Variants in UHRF1 observed in about 807,000 individuals in gnomAD.
UHRF1 encodes E3 ubiquitin-protein ligase UHRF1.
A neutral mutation model predicts 96.5 loss-of-function variants in UHRF1; 9 were observed. That is an observed-to-expected ratio of 0.09 (90% CI 0.06 to 0.16). UHRF1 has a LOEUF of 0.16. Among genes scored for constraint, UHRF1 ranks in the 10% least tolerant of loss-of-function variants. The pLI is 1.00. For missense variants in UHRF1, 626 were observed against 1,131.1 expected (o/e 0.55, Z 6.40); for synonymous variants, 455 against 469.9 (o/e 0.97, Z 0.41).
intron 13 of UHRF1, 129 bp downstream of exon 13, chr19:4,951,125 G>C (rs988142222): frequency 1.6e-6 from 2 of 1,285,702 alleles, no homozygotes; most frequent in East Asian, 5.2e-5. Context: ...AATTAGCTGG[G>C]TATGGTGGCG....
intron 5 of UHRF1, among the ~76,000 whole-genome samples, chr19:4,939,218 A>ATTT (rs35132707): frequency 1.1e-3 from 129 of 120,808 alleles, no homozygotes; most frequent in Non-Finnish European, 1.9e-3. Flanking sequence ...GCACCCGGCC[A>ATTT]TTTTTTTTTT....
intron 5 of UHRF1, among the ~76,000 whole-genome samples, chr19:4,933,376 T>TG (rs1370323127): frequency 6.6e-6 from 1 of 152,102 alleles, no homozygotes; most frequent in East Asian, 1.9e-4. Context: ...CCACCACACC[T>TG]GGCTAATTTT....
intron 11 of UHRF1, among the ~76,000 whole-genome samples, chr19:4,948,537 G>A (rs766241393): frequency 2.0e-5 from 3 of 152,130 alleles, no homozygotes; most frequent in African/African-American, 4.8e-5. Flanking sequence ...GGTGGCTCAC[G>A]CCTGTAATCC....
At chr19:4,948,331 A>G (rs769773273) in intron 11 of UHRF1, among the ~76,000 whole-genome samples, 1 of 152,186 alleles carries the variant, frequency 6.6e-6, no homozygotes, top group South Asian at 2.1e-4. Flanking sequence ...CTTTTCCAGC[A>G]TAAAAACCAT....
intron 15 of UHRF1, among the ~76,000 whole-genome samples, chr19:4,955,401 T>C (rs1016903209): frequency 1.3e-5 from 2 of 151,784 alleles, no homozygotes; most frequent in Admixed American, 6.6e-5. Flanking sequence ...TGAGTCTCAC[T>C]CTCCCGCCCT....
At chr19:4,917,660 A>AG (rs2032568203) in intron 2 of UHRF1, among the ~76,000 whole-genome samples, 1 of 145,406 alleles carries the variant, frequency 6.9e-6, no homozygotes, top group Non-Finnish European at 1.5e-5. Context: ...CTCAAAAAAA[A>AG]AAAAAAAAAA....
rs1309530729 is a variant in UHRF1, at chr19:4,960,623, A to G, written c.2236-34A>G. On this transcript the variant is annotated intron_variant, in intron 16 of 16. Coordinates refer to ENST00000650932, the MANE Select transcript of UHRF1 (RefSeq NM_001048201.3). ...GCCAGGAGCAAACCTGATGGTGTGGATGGCACTTCTCACGCGCCTGCTGTG... is the reference window on the plus strand; with the variant it reads ...GCCAGGAGCAAACCTGATGGTGTGGGTGGCACTTCTCACGCGCCTGCTGTG... 3 of 1,607,310 alleles carry G rather than the reference A, an allele frequency of 1.9e-6. No individual in the cohort carries two copies. In the South Asian group the frequency reaches 3.3e-5, roughly 18 times the overall value.
At chr19:4,947,395 G>C (rs990460204) in intron 11 of UHRF1, among the ~76,000 whole-genome samples, 184 bp downstream of exon 11, 3 of 151,302 alleles carry the variant, frequency 2.0e-5, no homozygotes, top group African/African-American at 7.3e-5. Context: ...GAGCCACTGC[G>C]CCTGGTCTGG....
rs765109553 is a variant in UHRF1 at position 4,910,988 on chromosome 19, C to T, written c.103C>T (p.Leu35=). The change falls in exon 2 of 17, where the codon CTG becomes TTG. Residue 35 remains leucine (L), a synonymous_variant. Transcript: ENST00000650932. The part of the protein sequence containing the change: ...VEELRRKIQE[L]FHVEPGLQRL... ...GGAGCTGAGGCGGAAGATCCAGGAG[C>T]TGTTCCACGTGGAGCCAGGCCTGCA... The T allele has an allele frequency of 1.2e-6, 2 of 1,612,378 alleles. No homozygotes were observed. Among genetic ancestry groups the T allele is most frequent in the South Asian group, 2.2e-5 (2 of 90,882 alleles).
intron 2 of UHRF1, among the ~76,000 whole-genome samples, chr19:4,919,182 G>A (rs1443764990): frequency 6.6e-6 from 1 of 151,614 alleles, no homozygotes; most frequent in Non-Finnish European, 1.5e-5. Context: ...ATTTTATAGT[G>A]ATGGGTTTTG....
At chr19:4,913,239 C>T (rs1428547130) in intron 2 of UHRF1, among the ~76,000 whole-genome samples, 1 of 144,236 alleles carries the variant, frequency 6.9e-6, no homozygotes, top group Non-Finnish European at 1.5e-5. Context: ...GTTAATTAGA[C>T]ATGTACATTG....
intron 5 of UHRF1, among the ~76,000 whole-genome samples, chr19:4,938,810 C>G (rs1255978783): frequency 1.5e-5 from 2 of 136,068 alleles, no homozygotes; most frequent in Non-Finnish European, 3.1e-5. Context: ...ATGGCAAGCT[C>G]TCAGTTCACT....
At chr19:4,931,468 TTTTTA>T (rs1379259527) in intron 4 of UHRF1, among the ~76,000 whole-genome samples, 2 of 151,694 alleles carry the variant, frequency 1.3e-5, no homozygotes, top group African/African-American at 4.8e-5. Flanking sequence ...TTTTATTTTA[TTTTTA>T]TTTTATTTTT....
At chr19:4,960,582 A>C in intron 16 of UHRF1, 75 bp from the exon 17 acceptor site, 2 of 1,563,042 alleles carry the variant, frequency 1.3e-6, no homozygotes, top group South Asian at 2.3e-5. Context: ...CTGTCCCCAC[A>C]GTCCTGGGAG....
chr19:4,941,944 C>T lies in UHRF1; in HGVS notation c.1073+13C>T, dbSNP rs1466704120. On this transcript the variant is annotated intron_variant, in intron 7 of 16. Transcript: ENST00000650932. ...GCGAGGACGAGTGGTGAGTGCGGCC[C>T]TGCCCGCCGCGGGGAGACCAGAGCG... is the stretch of plus-strand genomic sequence containing the variant. 2 of 1,483,050 alleles carry T rather than the reference C, an allele frequency of 1.3e-6. No individual in the cohort carries two copies. The highest frequency in any genetic ancestry group is 2.4e-5 in the East Asian group (1 of 41,372). The allele number at this position is 1,483,050 out of a possible 1,614,324, so 91.9% of individuals were successfully genotyped here.
intron 9 of UHRF1, among the ~76,000 whole-genome samples, chr19:4,945,461 G>T (rs1010973727): frequency 2.0e-5 from 3 of 152,030 alleles, no homozygotes; most frequent in African/African-American, 7.2e-5. Flanking sequence ...GTTTCACCTT[G>T]TTGGCCAGGC....
At chr19:4,935,545 ATT>A (rs374797867) in intron 5 of UHRF1, among the ~76,000 whole-genome samples, 3 of 139,160 alleles carry the variant, frequency 2.2e-5, no homozygotes, top group Non-Finnish European at 3.2e-5. Flanking sequence ...TGGGGGCTTC[ATT>A]TTTTTTTTTT....
intron 9 of UHRF1, 53 bp from the exon 10 acceptor site, chr19:4,945,808 C>T: frequency 6.7e-7 from 1 of 1,494,020 alleles, no homozygotes; most frequent in Non-Finnish European, 9.2e-7. Context: ...GGTGGAGCTT[C>T]TCTGCAGCAG....
intron 2 of UHRF1, among the ~76,000 whole-genome samples, chr19:4,920,940 A>G (rs948623615): frequency 1.3e-5 from 2 of 151,856 alleles, no homozygotes; most frequent in Non-Finnish European, 2.9e-5. Context: ...CCTGGCCAAC[A>G]TGGTGAAACC....
Sources: gnomAD v4.1 joint callset for allele counts (sites outside exome capture counted in the v4.1 genomes callset) on GRCh38, gnomAD v4.1.1 for gene constraint, MANE v1.5 for transcripts, NCBI Gene and HGNC (gene_info 2026-07-23, HGNC 2026-07-21) for gene names.